Variants in PPP1R37 observed in about 807,000 individuals in gnomAD.
The protein encoded by PPP1R37 is leucine rich repeat containing 68.
In PPP1R37, 21 loss-of-function variants were observed where a neutral mutation model predicts 61.0. The ratio of observed to expected loss-of-function variants is 0.34; its 90% confidence interval spans 0.24 to 0.50. The LOEUF is 0.50. Among genes scored for constraint, PPP1R37 ranks in the 20% least tolerant of loss-of-function variants. The pLI, the probability that PPP1R37 is intolerant of heterozygous loss-of-function variation, is 0.98. For synonymous variants in PPP1R37, 443 were observed against 433.5 expected, an observed-to-expected ratio of 1.02 and a Z score of -0.27; for missense variants, 910 against 952.7, an observed-to-expected ratio of 0.96 and a Z score of 0.59.
intron 1 of PPP1R37, among the ~76,000 whole-genome samples, chr19:45,097,037 A>G (rs1340728924): frequency 6.6e-6 from 1 of 151,834 alleles, no homozygotes; most frequent in Non-Finnish European, 1.5e-5. Context: ...AGGACGATGG[A>G]GTGGTTCACT....
At chr19:45,134,047 C>T (rs1968509336) in intron 1 of PPP1R37, among the ~76,000 whole-genome samples, 1 of 152,246 alleles carries the variant, frequency 6.6e-6, no homozygotes, top group Admixed American at 6.5e-5. Flanking sequence ...TAGCCACCTC[C>T]TCACACCATT....
chr19:45,140,423 TGGG>T, intron 3 of PPP1R37, 80 bp from the exon 4 acceptor site: 1 of 330,836 alleles, frequency 3.0e-6, no homozygotes, highest in East Asian at 1.2e-4. Flanking sequence ...TGGTGGGGGG[TGGG>T]AGGTTGGGGG....
chr19:45,135,475 TC>T (rs1235836114), intron 1 of PPP1R37, among the ~76,000 whole-genome samples: 1 of 152,212 alleles, frequency 6.6e-6, no homozygotes, highest in Non-Finnish European at 1.5e-5. Context: ...ACGATTTAGT[TC>T]CGTTAGTTCA....
intron 4 of PPP1R37, among the ~76,000 whole-genome samples, 186 bp from the exon 5 acceptor site, chr19:45,141,136 C>T (rs1968605842): frequency 6.6e-6 from 1 of 152,144 alleles, no homozygotes; most frequent in Admixed American, 6.5e-5. Context: ...AAACTGACTA[C>T]AGCAGAGAAG....
At chr19:45,108,968 C>T (rs12462040) in intron 1 of PPP1R37, 14,340 of 152,024 alleles carry the variant, frequency 0.094, 794 homozygotes, top group South Asian at 0.13. Context: ...GATGAGGTCT[C>T]GCTATGTTGC....
chr19:45,146,162 A>G, intron 11 of PPP1R37, 113 bp downstream of exon 11: 3 of 1,223,182 alleles, frequency 2.5e-6, no homozygotes, highest in South Asian at 3.1e-5. Flanking sequence ...TGGTTCTCGC[A>G]GGGGCCAGCA....
At chr19:45,129,961 C>T (rs555966084) in intron 1 of PPP1R37, among the ~76,000 whole-genome samples, 1 of 152,316 alleles carries the variant, frequency 6.6e-6, no homozygotes, top group South Asian at 2.1e-4. Context: ...ACTCTTGCCT[C>T]TGTGAGCCTT....
Position 45,135,226 on chromosome 19 carries a change from C to T in PPP1R37, c.203-3288C>T, listed in dbSNP as rs192884947. On this transcript the variant is annotated intron_variant, in intron 1 of 12. Transcript: ENST00000221462. ...TCATGCCACTGAACTCCAGCCTGGG[C>T]GACAGAGTGAAACTCTGTCTCAAAA... Among the ~76,000 whole-genome samples, 164 of 152,026 alleles carry T rather than the reference C, an allele frequency of 1.1e-3. 1 individual carries two copies. Among genetic ancestry groups the T allele is most frequent in the Non-Finnish European group, 4.9e-4 (33 of 67,950 alleles).
At chr19:45,108,313 C>T (rs998189788) in intron 1 of PPP1R37, among the ~76,000 whole-genome samples, 29 of 151,958 alleles carry the variant, frequency 1.9e-4, no homozygotes, top group African/African-American at 6.5e-4. Flanking sequence ...AGGCTCAAGC[C>T]ATTCTCCTGC....
At position 45,121,997 on chromosome 19, in the gene PPP1R37, C is replaced by A. The variant is rs779500312; in HGVS notation, c.203-16517C>A. 1.3e-5 allele frequency among the ~76,000 whole-genome samples: 2 copies of A among 152,142 alleles called. No individual in the cohort carries two copies. Reference sequence around the variant, plus strand: ...GGATAGAGACGTGCAGCAGCACATCCGCAGAGGTAGCGAGGCCTTGGGGGT... The same window carrying A: ...GGATAGAGACGTGCAGCAGCACATCAGCAGAGGTAGCGAGGCCTTGGGGGT... On this transcript the variant is annotated intron_variant, in intron 1 of 12. Coordinates refer to ENST00000221462, the MANE Select transcript of PPP1R37 (RefSeq NM_019121.2). This position sits in a 1 kb window ranked among gnomAD's most constrained non-coding sequence, Gnocchi z 4.2.
chr19:45,142,202 A>C lies in PPP1R37; in HGVS notation c.709A>C (p.Met237Leu), dbSNP rs1968622100. 1 of 1,534,144 alleles carries C rather than the reference A, an allele frequency of 6.5e-7. No individual in the cohort carries two copies. The highest frequency in any genetic ancestry group is 8.7e-7 in the Non-Finnish European group (1 of 1,145,888). ...CGCCAGCCTGTCGGGGCGGCCCCTC[A>C]TGCTGCTCGGTGAGCCCCAAGCCCG... ...ENASLSGRPL[M>L]LLATALKMNM... Residue 237 changes from methionine (M) to leucine (L), a missense_variant, in exon 6 of 13, where the codon ATG (methionine) becomes CTG (leucine). By Grantham distance (15) the Met-to-Leu change is conservative. Coordinates refer to ENST00000221462, the MANE Select transcript of PPP1R37 (RefSeq NM_019121.2).
At chr19:45,127,545 G>GACCTCAT (rs953579161) in intron 1 of PPP1R37, among the ~76,000 whole-genome samples, 1 of 151,818 alleles carries the variant, frequency 6.6e-6, no homozygotes, top group Non-Finnish European at 1.5e-5. Context: ...AATATAGTGG[G>GACCTCAT]AAATCTTATG....
At chr19:45,144,495 T>A (rs376157086) in intron 8 of PPP1R37, 157 of 266,928 alleles carry the variant, frequency 5.9e-4, no homozygotes, top group African/African-American at 3.1e-3. Context: ...GTACAGAGAC[T>A]CTCAGGGCGA....
At chr19:45,115,143 C>T (rs972503545) in intron 1 of PPP1R37, among the ~76,000 whole-genome samples, 2 of 152,224 alleles carry the variant, frequency 1.3e-5, no homozygotes, top group South Asian at 2.1e-4. Flanking sequence ...GCTTATTGTC[C>T]AGAGAGAGGG....
In PPP1R37 at chr19:45,116,142, G is replaced by C. The variant is rs118118561; in HGVS notation, c.203-22372G>C. Among the ~76,000 whole-genome samples the C allele has an allele frequency of 1.9e-3, 288 of 152,326 alleles. 1 individual carries two copies. The highest frequency in any genetic ancestry group is 6.6e-3 in the African/African-American group (275 of 41,562). On this transcript the variant is annotated intron_variant, in intron 1 of 12. Coordinates refer to ENST00000221462, the MANE Select transcript of PPP1R37 (RefSeq NM_019121.2). Reference sequence around the variant, plus strand: ...GGCGCTGTGGCATGAGGGAAGGTGCGCCCAATCTGCCTTGTTCCTTCCGTC... The same window carrying C: ...GGCGCTGTGGCATGAGGGAAGGTGCCCCCAATCTGCCTTGTTCCTTCCGTC...
chr19:45,096,657 T>G (rs533199569), intron 1 of PPP1R37, among the ~76,000 whole-genome samples: 6 of 152,050 alleles, frequency 3.9e-5, no homozygotes, highest in Non-Finnish European at 8.8e-5. Context: ...GGGAGGAGTT[T>G]AGAGGAGGGG....
At chr19:45,138,905 C>A (rs376310166) in intron 2 of PPP1R37, among the ~76,000 whole-genome samples, 3 of 73,058 alleles carry the variant, frequency 4.1e-5, no homozygotes, top group South Asian at 1.1e-3. Flanking sequence ...TTTATGTATT[C>A]TTTTTTTTTT....
In PPP1R37 at chr19:45,141,362, C is replaced by T. The variant is rs1222853088; in HGVS notation, c.488C>T (p.Ser163Leu). 3 of 1,536,002 alleles carry T rather than the reference C, an allele frequency of 2.0e-6. No homozygotes were observed. The highest frequency in any genetic ancestry group is 1.7e-4 in the Middle Eastern group (1 of 5,988). The stretch of plus-strand genomic sequence containing the variant: ...TTCGACATGATCGAGTACTACGAGT[C>T]GGCCACCCACCTCAACATCTCCTTC... ...ALFDMIEYYE[S>L]ATHLNISFNK... Residue 163 changes from serine to leucine, a missense_variant, in exon 5 of 13, where the codon TCG (serine) becomes TTG (leucine). By Grantham distance (145) the Ser-to-Leu change is moderately radical. Coordinates refer to ENST00000221462, the MANE Select transcript of PPP1R37 (RefSeq NM_019121.2).
At chr19:45,128,129 G>T (rs1441546118) in intron 1 of PPP1R37, among the ~76,000 whole-genome samples, 2 of 151,870 alleles carry the variant, frequency 1.3e-5, no homozygotes, top group Admixed American at 6.6e-5. Flanking sequence ...AATGTATATA[G>T]AGAGAAGGAA....
Sources: gnomAD v4.1 joint callset for allele counts (sites outside exome capture counted in the v4.1 genomes callset) on GRCh38, gnomAD v4.1.1 for gene constraint, Gnocchi (gnomAD v3.1) non-coding constraint, MANE v1.5 for transcripts, NCBI Gene and HGNC (gene_info 2026-07-23, HGNC 2026-07-21) for gene names.